WDR27: variants seen among roughly 807,000 people sequenced by gnomAD.
The protein encoded by WDR27 is WD repeat-containing protein 27.
In WDR27, 100 loss-of-function variants were observed where a neutral mutation model predicts 114.4. The observed-to-expected ratio is 0.87, with a 90% CI of 0.74 to 1.03. The LOEUF (loss-of-function observed/expected upper bound fraction) is 1.03, where lower values mean the gene tolerates loss of function less well. WDR27 is among the 50% of genes least tolerant of loss of function. WDR27 has a pLI of 0.00. For missense variants in WDR27, 1,129 were observed against 1,092.9 expected (o/e 1.03, Z -0.47); for synonymous variants, 449 against 423.1 (o/e 1.06, Z -0.75).
At chr6:169,449,802 C>T in the WDR27 span, among the ~76,000 whole-genome samples, 1 of 152,128 alleles carries the variant, frequency 6.6e-6, no homozygotes, top group Non-Finnish European at 1.5e-5. Context: ...ACAGTCACAC[C>T]AAAGCGTATG....
rs1027753971 is a variant in WDR27 at position 169,659,788 on chromosome 6, G to A, written c.1130-270C>T. On this transcript the variant is annotated intron_variant, in intron 10 of 25. Coordinates refer to ENST00000448612, the MANE Select transcript of WDR27 (RefSeq NM_182552.5). This position sits in a 1 kb window ranked among gnomAD's most constrained non-coding sequence, Gnocchi z 4.3. ...GAGGCTGGGATGTGACTCGGACTGA[G>A]ACCTGCAGCTCAGCCTCCTGGAGAA... Among the ~76,000 whole-genome samples, 39 of 152,276 alleles carry A rather than the reference G, an allele frequency of 2.6e-4. No homozygotes were observed. The highest frequency in any genetic ancestry group is 8.2e-4 in the African/African-American group (34 of 41,566).
chr6:169,657,458 G>C (rs143232615), intron 13 of WDR27, among the ~76,000 whole-genome samples: 1 of 152,220 alleles, frequency 6.6e-6, no homozygotes, highest in African/African-American at 2.4e-5. Flanking sequence ...TCGCCAGGTC[G>C]CTGGCCGGGG....
intron 2 of WDR27, among the ~76,000 whole-genome samples, chr6:169,681,364 C>A (rs1048619257): frequency 2.0e-5 from 3 of 152,198 alleles, no homozygotes; most frequent in Non-Finnish European, 4.4e-5. Context: ...ATCCATGGTC[C>A]AAAGTCTCTC....
chr6:169,566,582 G>C (rs773366036), intron 25 of WDR27, among the ~76,000 whole-genome samples: 2 of 152,170 alleles, frequency 1.3e-5, no homozygotes, highest in Non-Finnish European at 2.9e-5. Context: ...TATTAAGATG[G>C]GCATGTACTG....
At chr6:169,641,167 C>T (rs939666029) in intron 17 of WDR27, among the ~76,000 whole-genome samples, 12 of 152,220 alleles carry the variant, frequency 7.9e-5, no homozygotes, top group African/African-American at 2.9e-4. Flanking sequence ...CAGGGACGGA[C>T]CTCCCACTCC....
intron 21 of WDR27, among the ~76,000 whole-genome samples, chr6:169,627,534 C>T (rs966406744): frequency 1.3e-5 from 2 of 152,166 alleles, no homozygotes; most frequent in African/African-American, 2.4e-5. Flanking sequence ...ATGTGGAGAT[C>T]GTCTACGTAC....
chr6:169,484,827 G>A (rs9477984), intron 25 of WDR27, among the ~76,000 whole-genome samples: 17,750 of 152,102 alleles, frequency 0.12, 1,314 homozygotes, highest in African/African-American at 0.2. Flanking sequence ...GAGGCACAGA[G>A]ACCAATTGAA....
At chr6:169,571,989 T>A (rs1186252682) in intron 25 of WDR27, among the ~76,000 whole-genome samples, 1 of 152,122 alleles carries the variant, frequency 6.6e-6, no homozygotes. Flanking sequence ...ATTATTATAA[T>A]ATGTTAAAAG....
At chr6:169,573,838 C>T (rs1390438069) in intron 24 of WDR27, among the ~76,000 whole-genome samples, 1 of 152,184 alleles carries the variant, frequency 6.6e-6, no homozygotes, top group African/African-American at 2.4e-5. Flanking sequence ...ACTCAGGGAC[C>T]CATCAGTTAC....
At chr6:169,586,847 CAAAAAAAAAAAA>C (rs3029697) in intron 23 of WDR27, among the ~76,000 whole-genome samples, 1 of 32,058 alleles carries the variant, frequency 3.1e-5, no homozygotes, top group Non-Finnish European at 5.6e-5. Flanking sequence ...GACTCTGTCT[CAAAAAAAAAAAA>C]AAAAAAAAAA....
chr6:169,673,502 C>CA (rs1356534967), intron 2 of WDR27, among the ~76,000 whole-genome samples: 1 of 151,624 alleles, frequency 6.6e-6, no homozygotes, highest in Non-Finnish European at 1.5e-5. Context: ...CATCAGAAAG[C>CA]AACTAGGTCG....
chr6:169,432,855 A>C, the WDR27 span, among the ~76,000 whole-genome samples: 1 of 152,196 alleles, frequency 6.6e-6, no homozygotes, highest in Non-Finnish European at 1.5e-5. Flanking sequence ...GCTCAGAAGA[A>C]GACAGGAAAA....
chr6:169,438,399 G>A, the WDR27 span, among the ~76,000 whole-genome samples: 4 of 151,670 alleles, frequency 2.6e-5, no homozygotes, highest in South Asian at 2.1e-4. Flanking sequence ...CACCACACCC[G>A]GCTAATTTTT....
At chr6:169,645,023 T>TAAAAAAAAAAATAAAAAAA (rs1820200961) in intron 16 of WDR27, among the ~76,000 whole-genome samples, 3 of 46,982 alleles carry the variant, frequency 6.4e-5, no homozygotes, top group African/African-American at 1.0e-4. Flanking sequence ...AAAAAAAAAA[T>TAAAAAAAAAAATAAAAAAA]AAAAAAAAAA....
At chr6:169,494,253 G>C (rs1790129521) in intron 25 of WDR27, among the ~76,000 whole-genome samples, 1 of 152,144 alleles carries the variant, frequency 6.6e-6, no homozygotes, top group Non-Finnish European at 1.5e-5. Context: ...CATCCAATCA[G>C]CTGAAGGCCT....
At chr6:169,626,469 C>A (rs1446476467) in intron 21 of WDR27, among the ~76,000 whole-genome samples, 1 of 152,092 alleles carries the variant, frequency 6.6e-6, no homozygotes, top group African/African-American at 2.4e-5. Context: ...CAGGTCCAGG[C>A]CCCTCCTGCT....
intron 25 of WDR27, among the ~76,000 whole-genome samples, chr6:169,535,095 TGATG>T (rs1405431196): frequency 2.0e-5 from 3 of 152,206 alleles, no homozygotes; most frequent in African/African-American, 7.2e-5. Flanking sequence ...AAGACCTCTA[TGATG>T]CTAGCTCTGC....
intron 22 of WDR27, among the ~76,000 whole-genome samples, chr6:169,608,071 G>T (rs191668187): frequency 9.7e-4 from 148 of 152,220 alleles, no homozygotes; most frequent in Middle Eastern, 3.4e-3. Flanking sequence ...TAACACAATG[G>T]TAATTATTAA....
chr6:169,536,712 C>G (rs532632199), intron 25 of WDR27, among the ~76,000 whole-genome samples: 1 of 152,244 alleles, frequency 6.6e-6, no homozygotes, highest in East Asian at 1.9e-4. Context: ...AAGTCAGACA[C>G]AAACCAGAAA....
Sources: gnomAD v4.1 joint callset for allele counts (sites outside exome capture counted in the v4.1 genomes callset) on GRCh38, gnomAD v4.1.1 for gene constraint, Gnocchi (gnomAD v3.1) non-coding constraint, MANE v1.5 for transcripts, NCBI Gene and HGNC (gene_info 2026-07-23, HGNC 2026-07-21) for gene names.